Variants in FGF12 observed in about 807,000 individuals in gnomAD.
The protein encoded by FGF12 is fibroblast growth factor 12.
FGF12 carries 14 observed loss-of-function variants against 23.6 expected under a neutral mutation model. The observed-to-expected ratio is 0.59, with a 90% CI of 0.39 to 0.93. The LOEUF is 0.93. Among genes scored for constraint, FGF12 ranks in the 40% least tolerant of loss-of-function variants. The probability of loss-of-function intolerance (pLI) is 0.00; values close to 1 mark genes in which losing one functional copy is unlikely to be tolerated. For synonymous variants in FGF12, 62 were observed against 77.3 expected, an observed-to-expected ratio of 0.80 and a Z score of 1.04; for missense variants, 175 against 217.8, an observed-to-expected ratio of 0.80 and a Z score of 1.24.
At chr3:192,492,715 A>G (rs986103736) in intron 2 of FGF12, among the ~76,000 whole-genome samples, 4 of 152,194 alleles carry the variant, frequency 2.6e-5, no homozygotes, top group Admixed American at 6.5e-5. Flanking sequence ...AAAGGATCAC[A>G]CCGATATAAC....
Position 192,599,751 on chromosome 3 carries a change from A to G in FGF12, c.13+127430T>C, listed in dbSNP as rs372279764. ...ATGACTGTGCTTTCATGCAGCTGTCATTCTAGAGGGAGAAAAAAATAAATA... is the reference window on the plus strand; with the variant it reads ...ATGACTGTGCTTTCATGCAGCTGTCGTTCTAGAGGGAGAAAAAAATAAATA... On this transcript the variant is annotated intron_variant, in intron 2 of 5. Transcript: ENST00000445105. Among the ~76,000 whole-genome samples the G allele has an allele frequency of 1.5e-3, 221 of 152,244 alleles. 1 individual carries two copies. Among genetic ancestry groups the G allele is most frequent in the African/African-American group, 5.0e-3 (207 of 41,560 alleles).
intron 4 of FGF12, among the ~76,000 whole-genome samples, chr3:192,327,938 T>C (rs1716904070): frequency 6.6e-6 from 1 of 152,224 alleles, no homozygotes; most frequent in South Asian, 2.1e-4. Flanking sequence ...TTAAGTGCTA[T>C]TCTCCTAGAT....
intron 4 of FGF12, among the ~76,000 whole-genome samples, chr3:192,277,750 G>C (rs144412320): frequency 9.5e-4 from 145 of 152,168 alleles, no homozygotes; most frequent in Non-Finnish European, 1.9e-3. Flanking sequence ...CTCCTATCCC[G>C]TACACATACA....
intron 4 of FGF12, among the ~76,000 whole-genome samples, chr3:192,311,449 A>T (rs78292992): frequency 0.065 from 9,963 of 152,216 alleles, 545 homozygotes; most frequent in South Asian, 0.17. Context: ...TCATGGTTCA[A>T]TCTTATCGTA....
chr3:192,348,967 G>T (rs1420541468), intron 3 of FGF12, among the ~76,000 whole-genome samples: 10 of 152,102 alleles, frequency 6.6e-5, no homozygotes. Flanking sequence ...ATGTCCCCAA[G>T]TCATAGATTA....
chr3:192,163,933 T>C (rs1715017407), intron 5 of FGF12, among the ~76,000 whole-genome samples: 1 of 152,146 alleles, frequency 6.6e-6, no homozygotes, highest in African/African-American at 2.4e-5. Flanking sequence ...TACTTCTGTA[T>C]GGATGGCTCT....
intron 2 of FGF12, among the ~76,000 whole-genome samples, chr3:192,553,551 C>T (rs969725716): frequency 6.6e-6 from 1 of 152,148 alleles, no homozygotes; most frequent in African/African-American, 2.4e-5. Context: ...CCTCATAGGA[C>T]ACCATTTAAC....
chr3:192,602,734 A>C (rs574384618), intron 2 of FGF12, among the ~76,000 whole-genome samples: 6 of 152,034 alleles, frequency 3.9e-5, no homozygotes, highest in Non-Finnish European at 8.8e-5. Context: ...AAAAAAAAAA[A>C]AACACAGAAA....
At chr3:192,150,022 T>C (rs1267902561) in intron 5 of FGF12, among the ~76,000 whole-genome samples, 1 of 112,424 alleles carries the variant, frequency 8.9e-6, no homozygotes, top group Non-Finnish European at 1.9e-5. Flanking sequence ...TGGTGTGAGA[T>C]GGTATCTCAT....
intron 2 of FGF12, among the ~76,000 whole-genome samples, chr3:192,688,793 G>A (rs1252181965): frequency 6.6e-6 from 1 of 152,176 alleles, no homozygotes; most frequent in African/African-American, 2.4e-5. Flanking sequence ...GCACCCCCGT[G>A]TGTATTGCAG....
chr3:192,353,474 A>G (rs1718320264), intron 3 of FGF12, among the ~76,000 whole-genome samples: 1 of 143,900 alleles, frequency 6.9e-6, no homozygotes, highest in African/African-American at 2.6e-5. Flanking sequence ...GATTCAAGCC[A>G]TTCTCCTGCC....
chr3:192,660,695 T>C (rs1234716855), intron 2 of FGF12, among the ~76,000 whole-genome samples: 1 of 152,172 alleles, frequency 6.6e-6, no homozygotes, highest in Non-Finnish European at 1.5e-5. Flanking sequence ...ATCTTCTACA[T>C]TGGAAGCAGG....
chr3:192,233,374 C>T (rs894675940), intron 4 of FGF12, among the ~76,000 whole-genome samples: 12 of 151,936 alleles, frequency 7.9e-5, no homozygotes, highest in African/African-American at 2.9e-4. Flanking sequence ...CCATTTGTGT[C>T]CTTTGCCTAT....
intron 4 of FGF12, among the ~76,000 whole-genome samples, chr3:192,296,133 T>C (rs980733485): frequency 1.3e-4 from 19 of 145,950 alleles, no homozygotes; most frequent in Non-Finnish European, 2.1e-4. Context: ...CTTAAATTCC[T>C]GACCTCAACC....
intron 2 of FGF12, among the ~76,000 whole-genome samples, chr3:192,636,266 T>C (rs1715579217): frequency 6.6e-6 from 1 of 152,350 alleles, no homozygotes; most frequent in African/African-American, 2.4e-5. Flanking sequence ...CTGTTCTATG[T>C]GGTAGCCACT....
At chr3:192,711,378 C>T (rs1186449060) in intron 2 of FGF12, among the ~76,000 whole-genome samples, 2 of 152,040 alleles carry the variant, frequency 1.3e-5, no homozygotes, top group Non-Finnish European at 2.9e-5. Flanking sequence ...TGGGGGGCGC[C>T]TCTGCCCGGC....
At chr3:192,688,101 A>G (rs1717820594) in intron 2 of FGF12, among the ~76,000 whole-genome samples, 1 of 151,886 alleles carries the variant, frequency 6.6e-6, no homozygotes, top group Non-Finnish European at 1.5e-5. Context: ...TATGGTCCCC[A>G]TCACTTTCTG....
At chr3:192,566,076 A>G (rs1560152302) in intron 2 of FGF12, among the ~76,000 whole-genome samples, 1 of 152,194 alleles carries the variant, frequency 6.6e-6, no homozygotes, top group Admixed American at 6.5e-5. Flanking sequence ...AAAAGAACGA[A>G]GTTCCGTCTC....
intron 2 of FGF12, among the ~76,000 whole-genome samples, chr3:192,506,987 G>T (rs955711540): frequency 1.5e-4 from 23 of 150,728 alleles, no homozygotes; most frequent in Admixed American, 1.5e-3. Context: ...CGCCTCCTGG[G>T]TTCACGCCAT....
Sources: allele counts gnomAD v4.1 joint callset (sites outside exome capture counted in the v4.1 genomes callset), GRCh38; gene constraint gnomAD v4.1.1; transcripts MANE v1.5; gene names NCBI Gene and HGNC (gene_info 2026-07-23, HGNC 2026-07-21).